KCNN2: variants seen among roughly 807,000 people sequenced by gnomAD.
The protein encoded by KCNN2 is potassium calcium-activated channel subfamily N member 2.
In KCNN2, 24 loss-of-function variants were observed where a neutral mutation model predicts 55.5. The ratio of observed to expected loss-of-function variants is 0.43; its 90% CI spans 0.31 to 0.61. The LOEUF (loss-of-function observed/expected upper bound fraction) is 0.61, where lower values mean the gene tolerates loss of function less well. KCNN2 is among the 20% of genes least tolerant of loss of function. The pLI is 0.08. For synonymous variants in KCNN2, 431 were observed against 336.1 expected (o/e 1.28, Z -3.09); for missense variants, 754 against 853.6 (o/e 0.88, Z 1.45).
At chr5:114,113,382 A>G (rs888711546) in intron 1 of KCNN2, among the ~76,000 whole-genome samples, 1 of 152,014 alleles carries the variant, frequency 6.6e-6, no homozygotes, top group Non-Finnish European at 1.5e-5. Context: ...GCGGTATGTA[A>G]TCACATACTT....
chr5:114,401,012 G>A (rs1294302093), intron 2 of KCNN2, among the ~76,000 whole-genome samples: 1 of 146,294 alleles, frequency 6.8e-6, no homozygotes, highest in Non-Finnish European at 1.5e-5. Flanking sequence ...CCTAGCAAAA[G>A]TTAGTTTCAA....
intron 2 of KCNN2, among the ~76,000 whole-genome samples, chr5:114,279,101 T>G (rs1006439179): frequency 2.0e-5 from 3 of 152,046 alleles, no homozygotes; most frequent in Admixed American, 6.6e-5. Flanking sequence ...TATAATTAGT[T>G]TATAATTTTC....
At chr5:114,288,000 A>G (rs2150016064) in intron 2 of KCNN2, among the ~76,000 whole-genome samples, 1 of 152,308 alleles carries the variant, frequency 6.6e-6, no homozygotes, top group Non-Finnish European at 1.5e-5. Context: ...TAAATAAATA[A>G]ATGCAATTGT....
In KCNN2 at chr5:114,363,279, A is replaced by G; in HGVS notation, c.1122+18A>G. On this transcript the variant is annotated intron_variant, in intron 1 of 7. Transcript: ENST00000673685. ...ACGACAAGGTACAGGCTTGAACCCCAGCCCACGCTACCGGAGTCGGGCACT... is the reference window on the plus strand; with the variant it reads ...ACGACAAGGTACAGGCTTGAACCCCGGCCCACGCTACCGGAGTCGGGCACT... 1 of 1,571,126 alleles carries G rather than the reference A, an allele frequency of 6.4e-7. No homozygotes were observed. The highest frequency in any genetic ancestry group is 8.6e-7 in the Non-Finnish European group (1 of 1,159,108).
At chr5:114,175,624 A>C (rs1435412574) in intron 1 of KCNN2, among the ~76,000 whole-genome samples, 17 of 152,074 alleles carry the variant, frequency 1.1e-4, no homozygotes, top group Non-Finnish European at 2.5e-4. Flanking sequence ...ATAGTGACTG[A>C]AGGAGGGAGA....
In KCNN2 at chr5:114,170,695, T is replaced by C. The variant is rs531115558; in HGVS notation, c.-270-50785T>C. ...GATAGCCTTAAATATTTGTACTCAG[T>C]TTCAGAGTATACAAATTTAAAATCT... is the stretch of plus-strand genomic sequence containing the variant. On this transcript the variant is annotated intron_variant, in intron 1 of 10. Coordinates refer to the KCNN2 transcript ENST00000512097. Among the ~76,000 whole-genome samples the C allele has an allele frequency of 1.0e-3, 156 of 151,956 alleles. 1 individual carries two copies. Among genetic ancestry groups the C allele is most frequent in the African/African-American group, 2.2e-3 (89 of 41,388 alleles).
intron 2 of KCNN2, among the ~76,000 whole-genome samples, chr5:114,318,431 A>G (rs1460884572): frequency 1.3e-5 from 2 of 152,110 alleles, no homozygotes; most frequent in Non-Finnish European, 2.9e-5. Context: ...AATAGAGTAT[A>G]TATCTTGTTT....
intron 3 of KCNN2, among the ~76,000 whole-genome samples, chr5:114,405,903 G>C (rs1467819181): frequency 1.3e-5 from 2 of 151,764 alleles, no homozygotes; most frequent in African/African-American, 4.8e-5. Flanking sequence ...GTAGAGACGG[G>C]GTTTCACCGT....
At chr5:114,331,465 C>T (rs963720486) in intron 2 of KCNN2, among the ~76,000 whole-genome samples, 3 of 152,094 alleles carry the variant, frequency 2.0e-5, no homozygotes, top group Admixed American at 6.5e-5. Flanking sequence ...AACAAAGCAT[C>T]GGGAAACAAA....
intron 1 of KCNN2, among the ~76,000 whole-genome samples, chr5:114,187,246 C>T (rs1440098592): frequency 6.6e-6 from 1 of 151,702 alleles, no homozygotes; most frequent in African/African-American, 2.4e-5. Context: ...GCAGGCCTTA[C>T]TCCTGGGATG....
At chr5:114,244,989 A>G (rs1466191159) in intron 2 of KCNN2, among the ~76,000 whole-genome samples, 2 of 152,242 alleles carry the variant, frequency 1.3e-5, no homozygotes, top group Non-Finnish European at 2.9e-5. Flanking sequence ...AATGGCTGTC[A>G]AATTACTCAG....
chr5:114,208,993 C>T (rs1753825184), intron 1 of KCNN2, among the ~76,000 whole-genome samples: 1 of 152,032 alleles, frequency 6.6e-6, no homozygotes, highest in Non-Finnish European at 1.5e-5. Context: ...CTGAGGCCTC[C>T]ATGATCACAT....
intron 1 of KCNN2, among the ~76,000 whole-genome samples, chr5:114,142,114 G>A (rs180746607): frequency 2.8e-4 from 43 of 152,234 alleles, no homozygotes; most frequent in African/African-American, 4.6e-4. Flanking sequence ...TTCTTTTGCC[G>A]TGCAGAAGCT....
intron 1 of KCNN2, among the ~76,000 whole-genome samples, chr5:114,170,328 G>A (rs2112542045): frequency 6.6e-6 from 1 of 152,156 alleles, no homozygotes; most frequent in Admixed American, 6.6e-5. Flanking sequence ...CTAAGAAGCT[G>A]TTGTGCATAA....
At chr5:114,492,723 T>A (rs1747920307) in intron 6 of KCNN2, among the ~76,000 whole-genome samples, 1 of 152,048 alleles carries the variant, frequency 6.6e-6, no homozygotes, top group East Asian at 1.9e-4. Context: ...ACTATAATTG[T>A]CCTCTGACTT....
At chr5:114,270,110 A>G (rs1185478826) in intron 2 of KCNN2, among the ~76,000 whole-genome samples, 1 of 152,230 alleles carries the variant, frequency 6.6e-6, no homozygotes, top group Non-Finnish European at 1.5e-5. Flanking sequence ...CCTGCTGCCT[A>G]CTTTTCATTT....
intron 2 of KCNN2, among the ~76,000 whole-genome samples, chr5:114,272,170 A>G (rs3112765): frequency 0.9 from 136,807 of 152,136 alleles, 61,890 homozygotes; most frequent in East Asian, 0.94. Flanking sequence ...TCTGCCACCA[A>G]TGGTTTAGTG....
At chr5:114,238,621 G>A (rs1214310728) in intron 2 of KCNN2, among the ~76,000 whole-genome samples, 1 of 141,314 alleles carries the variant, frequency 7.1e-6, no homozygotes, top group Non-Finnish European at 1.5e-5. Flanking sequence ...GTGAGACTCC[G>A]TCTCCAAAAA....
chr5:114,106,442 A>T (rs972028605), intron 1 of KCNN2, among the ~76,000 whole-genome samples: 1 of 151,948 alleles, frequency 6.6e-6, no homozygotes, highest in Non-Finnish European at 1.5e-5. Flanking sequence ...CAAAGTGGTT[A>T]TATTAATTCC....
Sources: allele counts gnomAD v4.1 joint callset (sites outside exome capture counted in the v4.1 genomes callset), GRCh38; gene constraint gnomAD v4.1.1; transcripts MANE v1.5; gene names NCBI Gene and HGNC (gene_info 2026-07-23, HGNC 2026-07-21).